Variants in PSORS1C1 observed in about 807,000 individuals in gnomAD.
PSORS1C1 encodes the protein psoriasis susceptibility 1 candidate gene 1 protein.
PSORS1C1 carries 7 observed loss-of-function variants against 9.4 expected under a neutral mutation model. The observed-to-expected ratio is 0.75, with a 90% CI of 0.42 to 1.40. PSORS1C1 has a LOEUF of 1.40. PSORS1C1 is among the 40% of genes most tolerant of loss of function. The pLI, the probability that PSORS1C1 is intolerant of heterozygous loss-of-function variation, is 0.01. For missense variants in PSORS1C1, 146 were observed against 178.1 expected (o/e 0.82, Z 1.02); for synonymous variants, 63 against 69.4 (o/e 0.91, Z 0.46).
intron 3 of PSORS1C1, among the ~76,000 whole-genome samples, chr6:31,135,730 T>C (rs1011830833): frequency 1.3e-5 from 2 of 152,132 alleles, no homozygotes; most frequent in African/African-American, 4.8e-5. Context: ...CTAGGAATAT[T>C]CACAAGGATT....
At position 31,119,140 on chromosome 6, in the gene PSORS1C1, G is replaced by A. The variant is rs117898990; in HGVS notation, c.-229+4249G>A. Among the ~76,000 whole-genome samples the A allele has an allele frequency of 5.7e-4, 87 of 152,048 alleles. 2 individuals carry two copies. The East Asian group carries it at 0.017, about 29-fold the overall frequency. On this transcript the variant is annotated intron_variant, in intron 1 of 5. Transcript: ENST00000259881. The stretch of plus-strand genomic sequence containing the variant: ...ATTACAGGCACAAGCTATCATGTGC[G>A]GCCAGATGTTTTAGAAAGTGTAAAG...
At chr6:31,138,184 G>A in intron 3 of PSORS1C1, 3 of 1,582,136 alleles carry the variant, frequency 1.9e-6, no homozygotes, top group Non-Finnish European at 1.7e-6. Context: ...TCTTCAAAGA[G>A]AGGGGGTGCC....
intron 3 of PSORS1C1, among the ~76,000 whole-genome samples, chr6:31,132,763 C>T (rs1300643332): frequency 1.3e-5 from 2 of 151,852 alleles, no homozygotes; most frequent in African/African-American, 4.8e-5. Context: ...GCAGGAGGAC[C>T]ACTTGAGCCC....
intron 1 of PSORS1C1, chr6:31,116,632 T>G (rs776906131): frequency 1.8e-5 from 29 of 1,612,864 alleles, no homozygotes; most frequent in Non-Finnish European, 2.3e-5. Context: ...TTTCACAGGG[T>G]TCTCTTTGGT....
chr6:31,128,803 G>C lies in PSORS1C1; in HGVS notation c.-64-766G>C, dbSNP rs377180403. Among the ~76,000 whole-genome samples the C allele has an allele frequency of 2.0e-5, 3 of 152,160 alleles. No homozygotes were observed. Among genetic ancestry groups the C allele is most frequent in the Non-Finnish European group, 2.9e-5 (2 of 68,006 alleles). On this transcript the variant is annotated intron_variant, in intron 2 of 5. Transcript: ENST00000259881. This position sits in a 1 kb window ranked among gnomAD's most constrained non-coding sequence, Gnocchi z 4.3. ...TTAGGAGTCCCTCCTGGGCTCCTACGTCAGGGTTTGCCCCCTCTCTAATTT... is the reference window on the plus strand; with the variant it reads ...TTAGGAGTCCCTCCTGGGCTCCTACCTCAGGGTTTGCCCCCTCTCTAATTT...
In PSORS1C1 at chr6:31,138,574, A is replaced by T. The variant is rs1773281108; in HGVS notation, c.44-82A>T. The T allele has an allele frequency of 5.0e-6, 8 of 1,608,698 alleles. 1 individual carries two copies. The South Asian group carries it at 8.8e-5, about 18-fold the overall frequency. On this transcript the variant is annotated intron_variant, in intron 4 of 5. Transcript: ENST00000259881. ...GACCAGACTTCTCCAAATAAGCTCC[A>T]TCCACCCCTGGTTGGGGTACCCCAC...
rs114154383 is a variant in PSORS1C1 at position 31,139,331 on chromosome 6, C to T, written c.168-310C>T. The T allele has an allele frequency of 4.0e-3, 2,361 of 585,346 alleles. 17 individuals are homozygous for T. The highest frequency in any genetic ancestry group is 0.014 in the Middle Eastern group (32 of 2,212). 36.3% of individuals were successfully genotyped at this position (585,346 alleles called of 1,614,324 possible). On this transcript the variant is annotated intron_variant, in intron 5 of 5. Coordinates refer to ENST00000259881, the MANE Select transcript of PSORS1C1 (RefSeq NM_014068.3). The surrounding 1 kb of genome is among the most constrained non-coding windows in gnomAD (Gnocchi z 5.2). ...CACATCCTGGAGCAGTCAATACCCACTTGGCATCTCCGTAATCACAGAGAT... is the reference window on the plus strand; with the variant it reads ...CACATCCTGGAGCAGTCAATACCCATTTGGCATCTCCGTAATCACAGAGAT...
At chr6:31,129,297 G>C (rs1325245609) in intron 2 of PSORS1C1, among the ~76,000 whole-genome samples, 1 of 152,224 alleles carries the variant, frequency 6.6e-6, no homozygotes, top group South Asian at 2.1e-4. Flanking sequence ...TGACATAGAC[G>C]TGACGGTGTC....
intron 2 of PSORS1C1, among the ~76,000 whole-genome samples, chr6:31,126,394 C>G (rs939281894): frequency 6.6e-6 from 1 of 152,204 alleles, no homozygotes; most frequent in African/African-American, 2.4e-5. Context: ...TTAGGTGCCC[C>G]CACTGCAGCA....
intron 2 of PSORS1C1, 70 bp from the exon 3 acceptor site, chr6:31,129,499 T>C: frequency 1.4e-6 from 1 of 720,724 alleles, no homozygotes; most frequent in Non-Finnish European, 2.6e-6. Flanking sequence ...TGCCTATTAA[T>C]AGGTACTAAA....
rs1772057296 is a variant in PSORS1C1, at chr6:31,115,466, G to A, written c.-229+575G>A. The A allele has an allele frequency of 6.0e-6, 1 of 165,946 alleles. No individual in the cohort carries two copies. Among genetic ancestry groups the A allele is most frequent in the Non-Finnish European group, 1.3e-5 (1 of 75,242 alleles). The allele number at this position is 165,946 out of a possible 1,614,324, so 10.3% of individuals were successfully genotyped here. On this transcript the variant is annotated intron_variant, in intron 1 of 5. Coordinates refer to ENST00000259881, the MANE Select transcript of PSORS1C1 (RefSeq NM_014068.3). The surrounding 1 kb of genome is among the most constrained non-coding windows in gnomAD (Gnocchi z 4.2). ...GTTGGGGACGGTGATCTAGGAGGGC[G>A]TGGTGAGCTCTGTAATGGAGGGTGG...
rs1273319504 is a variant in PSORS1C1 at position 31,117,861 on chromosome 6, G to C, written c.-229+2970G>C. 7 of 358,432 alleles carry C rather than the reference G, an allele frequency of 2.0e-5. No homozygotes were observed. The East Asian group carries it at 4.6e-4, about 24-fold the overall frequency. 22.2% of individuals were successfully genotyped at this position (358,432 alleles called of 1,614,324 possible). On this transcript the variant is annotated intron_variant, in intron 1 of 5. Coordinates refer to ENST00000259881, the MANE Select transcript of PSORS1C1 (RefSeq NM_014068.3). The stretch of plus-strand genomic sequence containing the variant: ...CGCCGGTAATCCCAGCACTTTGGGA[G>C]GCCGAGGTGGGAGGATTGCATGCGC...
Position 31,139,803 on chromosome 6 carries a change from GC to G in PSORS1C1, c.331del (p.Leu111SerfsTer41). The G allele has an allele frequency of 6.2e-7, 1 of 1,613,044 alleles. No homozygotes were observed. The highest frequency in any genetic ancestry group is 8.5e-7 in the Non-Finnish European group (1 of 1,180,022). On this transcript the variant is annotated frameshift_variant, in exon 6 of 6. Coordinates refer to ENST00000259881, the MANE Select transcript of PSORS1C1 (RefSeq NM_014068.3). LOFTEE classifies it low-confidence loss of function (END_TRUNC). This position sits in a 1 kb window ranked among gnomAD's most constrained non-coding sequence, Gnocchi z 5.2. ...LPMAPEEAAR[L>X]QQPQPLPPPS... The stretch of plus-strand genomic sequence containing the variant: ...CAATGGCTCCGGAAGAAGCTGCCAG[GC>G]TCCAGCAACCTCAGCCCCTTCCTCC...
intron 3 of PSORS1C1, among the ~76,000 whole-genome samples, chr6:31,131,975 G>T (rs1772936534): frequency 6.6e-6 from 1 of 152,242 alleles, no homozygotes; most frequent in Admixed American, 6.5e-5. Flanking sequence ...GTTGGGCAGG[G>T]TGGCTCACGC....
chr6:31,134,496 T>C (rs75881311), intron 3 of PSORS1C1, among the ~76,000 whole-genome samples: 1 of 151,542 alleles, frequency 6.6e-6, no homozygotes, highest in African/African-American at 2.4e-5. Flanking sequence ...TAGTAGAGAC[T>C]GGGTTTCACC....
intron 3 of PSORS1C1, chr6:31,138,025 G>C (rs1471067081): frequency 6.5e-7 from 1 of 1,528,568 alleles, no homozygotes; most frequent in African/African-American, 1.4e-5. Context: ...GGGGCAGGAG[G>C]CCAGGGGTTT....
rs1043543652 is a variant in PSORS1C1, at chr6:31,115,209, A to G, written c.-229+318A>G. ...ACACAGAGACCTCTAGAGGCGTAGGAAGAGCACCACCCAGACTCTCAGAGG... is the reference window on the plus strand; with the variant it reads ...ACACAGAGACCTCTAGAGGCGTAGGGAGAGCACCACCCAGACTCTCAGAGG... On this transcript the variant is annotated intron_variant, in intron 1 of 5. Transcript: ENST00000259881. This position sits in a 1 kb window ranked among gnomAD's most constrained non-coding sequence, Gnocchi z 4.2. The G allele has an allele frequency of 3.3e-6, 1 of 300,422 alleles. No individual in the cohort carries two copies. The allele number at this position is 300,422 out of a possible 1,614,324, so 18.6% of individuals were successfully genotyped here.
intron 3 of PSORS1C1, among the ~76,000 whole-genome samples, chr6:31,131,124 G>T (rs1338958355): frequency 6.6e-6 from 1 of 152,012 alleles, no homozygotes; most frequent in Non-Finnish European, 1.5e-5. Context: ...ATTTTCCCCC[G>T]ACCTGTCTCT....
In PSORS1C1 at chr6:31,139,496, T is replaced by A; in HGVS notation, c.168-145T>A. ...GAGGAGGTGCTTTTCAAACCTGGGA[T>A]GCAGCTGGGACAGTGTCAGCTACTA... is the stretch of plus-strand genomic sequence containing the variant. On this transcript the variant is annotated intron_variant, in intron 5 of 5. Coordinates refer to ENST00000259881, the MANE Select transcript of PSORS1C1 (RefSeq NM_014068.3). The surrounding 1 kb of genome is among the most constrained non-coding windows in gnomAD (Gnocchi z 5.2). 1 of 715,034 alleles carries A rather than the reference T, an allele frequency of 1.4e-6. No individual in the cohort carries two copies. Among genetic ancestry groups the A allele is most frequent in the Non-Finnish European group, 2.3e-6 (1 of 439,108 alleles). 44.3% of individuals were successfully genotyped at this position (715,034 alleles called of 1,614,324 possible). A position where few individuals can be genotyped will look rare whatever the true frequency, so the allele number is the denominator to read the frequency against.
Sources: gnomAD v4.1 joint callset for allele counts (sites outside exome capture counted in the v4.1 genomes callset) on GRCh38, gnomAD v4.1.1 for gene constraint, Gnocchi (gnomAD v3.1) non-coding constraint, MANE v1.5 for transcripts, NCBI Gene and HGNC (gene_info 2026-07-23, HGNC 2026-07-21) for gene names.